Variants in ADAM20 observed in about 807,000 individuals in gnomAD.
ADAM20 encodes disintegrin and metalloproteinase domain-containing protein 20.
For missense variants in ADAM20, 871 were observed against 883.2 expected, an observed-to-expected ratio of 0.99 and a Z score of 0.18; for synonymous variants, 305 against 310.2, an observed-to-expected ratio of 0.98 and a Z score of 0.18.
the ADAM20 span, among the ~76,000 whole-genome samples, chr14:70,544,693 A>G: frequency 6.6e-6 from 1 of 152,152 alleles, no homozygotes; most frequent in Non-Finnish European, 1.5e-5. Context: ...GAAATATTGA[A>G]TTTTCTCATC....
chr14:70,543,939 G>T, the ADAM20 span, among the ~76,000 whole-genome samples: 89 of 152,238 alleles, frequency 5.8e-4, no homozygotes, highest in Non-Finnish European at 1.1e-3. Context: ...TAAATCCAAA[G>T]TGCATCAGCC....
chr14:70,557,948 A>T, the ADAM20 span, among the ~76,000 whole-genome samples: 1 of 152,194 alleles, frequency 6.6e-6, no homozygotes. Context: ...TGAATTTTTT[A>T]AATTAAACAT....
rs367614369 is a variant in ADAM20, at chr14:70,524,188, A to G, written c.570T>C (p.Tyr190=). Residue 190 remains tyrosine (Y), a synonymous_variant, in exon 2 of 2, where the codon TAT becomes TAC. Transcript: ENST00000256389. ...IAHQMELQLS[Y]NFTLKQSSFV... ...AAGAACTTTGCTTCAGAGTGAAATTATATGACAATTGCAACTCCATCTGGT... is the reference window on the plus strand; with the variant it reads ...AAGAACTTTGCTTCAGAGTGAAATTGTATGACAATTGCAACTCCATCTGGT... The G allele has an allele frequency of 6.2e-7, 1 of 1,613,942 alleles. No individual in the cohort carries two copies. Among genetic ancestry groups the G allele is most frequent in the Admixed American group, 1.7e-5 (1 of 59,968 alleles).
chr14:70,530,646 T>A (rs1292993076), intron 1 of ADAM20, among the ~76,000 whole-genome samples: 3 of 152,134 alleles, frequency 2.0e-5, no homozygotes, highest in Non-Finnish European at 4.4e-5. Context: ...TTCAGCTCCA[T>A]TGTAATATGA....
the ADAM20 span, chr14:70,557,369 T>C: frequency 1.3e-5 from 2 of 152,224 alleles, no homozygotes; most frequent in Admixed American, 6.5e-5. Context: ...CCCTACCTAC[T>C]GTGAGTTTAC....
At chr14:70,546,791 A>G in the ADAM20 span, among the ~76,000 whole-genome samples, 6,442 of 152,300 alleles carry the variant, frequency 0.042, 237 homozygotes, top group African/African-American at 0.097. Context: ...TTAGTAAAAG[A>G]AAAAATAACA....
chr14:70,578,615 G>C, the ADAM20 span, among the ~76,000 whole-genome samples: 2 of 152,142 alleles, frequency 1.3e-5, no homozygotes, highest in African/African-American at 2.4e-5. Flanking sequence ...CTAATATCCA[G>C]AATCTATAAG....
rs770840404 is a variant in ADAM20, at chr14:70,523,917, T to C, written c.841A>G (p.Ile281Val). 4 of 1,613,984 alleles carry C rather than the reference T, an allele frequency of 2.5e-6. No homozygotes were observed. Among genetic ancestry groups the C allele is most frequent in the East Asian group, 2.2e-5 (1 of 44,876 alleles). ...TTATTAAGGTTATAATTCTTCCAAA[T>C]AGAAAAGTCCTCTAAAACATTATCT... ...DLDNVLEDFS[I>V]WKNYNLNNRL... The change falls in exon 2 of 2, where the codon ATT becomes GTT. Residue 281 changes from isoleucine (I) to valine (V), a missense_variant. By Grantham distance (29) the Ile-to-Val change is conservative (BLOSUM62 3). Transcript: ENST00000256389.
intron 1 of ADAM20, among the ~76,000 whole-genome samples, chr14:70,530,236 A>G (rs572356775): frequency 1.1e-3 from 171 of 152,296 alleles, no homozygotes; most frequent in Middle Eastern, 3.4e-3. Flanking sequence ...ACATTAGCCT[A>G]GGTCGTCACA....
chr14:70,579,249 G>A, the ADAM20 span, among the ~76,000 whole-genome samples: 1 of 151,966 alleles, frequency 6.6e-6, no homozygotes, highest in Non-Finnish European at 1.5e-5. Flanking sequence ...TTAGATCTTT[G>A]CAAAAATCTC....
the ADAM20 span, among the ~76,000 whole-genome samples, chr14:70,565,202 G>T: frequency 2.0e-5 from 3 of 150,930 alleles, no homozygotes; most frequent in East Asian, 5.9e-4. Flanking sequence ...AAAACTCGAG[G>T]ATGGGCAATT....
upstream of ADAM20, among the ~76,000 whole-genome samples, chr14:70,539,781 C>A (rs982992867): frequency 6.6e-6 from 1 of 152,102 alleles, no homozygotes; most frequent in African/African-American, 2.4e-5. Context: ...TTACTTCATC[C>A]CCATGTGACC....
At chr14:70,547,430 C>T in the ADAM20 span, 1 of 143,750 alleles carries the variant, frequency 7.0e-6, no homozygotes, top group Non-Finnish European at 1.5e-5. Context: ...ACAGTGGGCG[C>T]AGGCCAGTGT....
chr14:70,557,132 A>T, the ADAM20 span: 1 of 151,956 alleles, frequency 6.6e-6, no homozygotes, highest in Non-Finnish European at 1.5e-5. Flanking sequence ...CATATAAACA[A>T]TTTCCAAGGT....
chr14:70,524,325 T>C lies in ADAM20; in HGVS notation c.433A>G (p.Ile145Val). The change falls in exon 2 of 2, where the codon ATC (isoleucine) becomes GTC (valine). Residue 145 changes from isoleucine (I) to valine (V), a missense_variant. Ile to Val is a conservative substitution (Grantham distance 29). Transcript: ENST00000256389. ...MLQINDLVYEIKPISVSATFE... is the reference protein window; with the variant it reads ...MLQINDLVYEVKPISVSATFE... ...GTGGCAGAAACACTAATTGGCTTGA[T>C]TTCATAAACAAGGTCATTTATCTGT... 1.2e-6 allele frequency: 2 copies of C among 1,614,042 alleles called. No homozygotes were observed. The highest frequency in any genetic ancestry group is 1.7e-6 in the Non-Finnish European group (2 of 1,179,958).
chr14:70,571,507 G>A, the ADAM20 span, among the ~76,000 whole-genome samples: 2 of 152,258 alleles, frequency 1.3e-5, no homozygotes, highest in East Asian at 3.9e-4. Flanking sequence ...GCTGAACTGT[G>A]AGTCAATTAA....
At chr14:70,575,167 ATATG>A in the ADAM20 span, among the ~76,000 whole-genome samples, 2 of 150,100 alleles carry the variant, frequency 1.3e-5, no homozygotes, top group Non-Finnish European at 3.0e-5. Context: ...ACTTTAAAAT[ATATG>A]TATGTATATA....
chr14:70,569,885 CAAAAAAAAAAAAAAAAA>C, the ADAM20 span, among the ~76,000 whole-genome samples: 23 of 76,152 alleles, frequency 3.0e-4, 1 homozygote, highest in Non-Finnish European at 5.1e-4. Context: ...AGAAAACTAA[CAAAAAAAAAAAAAAAAA>C]AAAAAAAAAA....
At chr14:70,562,104 C>A in the ADAM20 span, among the ~76,000 whole-genome samples, 2 of 152,234 alleles carry the variant, frequency 1.3e-5, no homozygotes, top group African/African-American at 4.8e-5. Context: ...ACAAAAGCAG[C>A]TGGGAGGAGG....
Sources: allele counts gnomAD v4.1 joint callset (sites outside exome capture counted in the v4.1 genomes callset), GRCh38; gene constraint gnomAD v4.1.1; transcripts MANE v1.5; gene names NCBI Gene and HGNC (gene_info 2026-07-23, HGNC 2026-07-21).